The following CTNND2 variants were observed in gnomAD, a reference collection of about 807,000 sequenced individuals.
CTNND2 encodes catenin delta-2.
In CTNND2, 22 loss-of-function variants were observed where a neutral mutation model predicts 144.4. The observed-to-expected ratio is 0.15, with a 90% CI of 0.11 to 0.22. The LOEUF (loss-of-function observed/expected upper bound fraction) is 0.22. Among genes scored for constraint, CTNND2 ranks in the 10% least tolerant of loss-of-function variants. The probability of loss-of-function intolerance (pLI) is 1.00; values close to 1 mark genes in which losing one functional copy is unlikely to be tolerated. For missense variants in CTNND2, 1,353 were observed against 1,618.8 expected (o/e 0.84, Z 2.82); for synonymous variants, 751 against 695.6 (o/e 1.08, Z -1.25).
chr5:11,156,411 C>G (rs1050198144), intron 12 of CTNND2, among the ~76,000 whole-genome samples: 1 of 152,102 alleles, frequency 6.6e-6, no homozygotes, highest in Non-Finnish European at 1.5e-5. Flanking sequence ...TCAATAATGA[C>G]CAGATGAATT....
At chr5:11,655,261 A>AT (rs201027253) in intron 2 of CTNND2, among the ~76,000 whole-genome samples, 1,626 of 146,840 alleles carry the variant, frequency 0.011, 12 homozygotes, top group East Asian at 0.05. Context: ...AGACTTAACT[A>AT]TTTTTTTTTT....
chr5:11,136,351 G>T (rs894643383), intron 12 of CTNND2, among the ~76,000 whole-genome samples: 2 of 151,960 alleles, frequency 1.3e-5, no homozygotes, highest in African/African-American at 4.8e-5. Context: ...GAATAAAATA[G>T]AAATAATAAG....
intron 2 of CTNND2, among the ~76,000 whole-genome samples, chr5:11,631,627 A>T (rs1336310750): frequency 6.6e-6 from 1 of 152,116 alleles, no homozygotes; most frequent in Non-Finnish European, 1.5e-5. Flanking sequence ...AAACCACCAG[A>T]GTTTCTCATC....
In CTNND2 at chr5:11,747,803, A is replaced by T. The variant is rs547260950; in HGVS notation, c.38-15531T>A. Among the ~76,000 whole-genome samples the T allele has an allele frequency of 5.9e-5, 9 of 152,284 alleles. No individual in the cohort carries two copies. The South Asian group carries it at 1.9e-3, about 32-fold the overall frequency. ...AACTTTGACTGTCACAATCTATTAA[A>T]CAGAAAGTCCCCAAATGCCAGCCAC... On this transcript the variant is annotated intron_variant, in intron 1 of 21. Coordinates refer to ENST00000304623, the MANE Select transcript of CTNND2 (RefSeq NM_001332.4).
In CTNND2 at chr5:11,019,443, T is replaced by C. The variant is rs1403768715; in HGVS notation, c.3000-1385A>G. Among the ~76,000 whole-genome samples, 12 of 152,334 alleles carry C rather than the reference T, an allele frequency of 7.9e-5. No individual in the cohort carries two copies. In the East Asian group the frequency reaches 2.3e-3, roughly 29 times the overall value. On this transcript the variant is annotated intron_variant, in intron 17 of 21. Transcript: ENST00000304623. The stretch of plus-strand genomic sequence containing the variant: ...TTGAAATACAATTAGTGTGCAAAAA[T>C]GCTTCTGAGTAGAAACAAAAGTGTA...
chr5:11,388,533 T>C (rs1340201356), intron 6 of CTNND2, among the ~76,000 whole-genome samples: 1 of 152,256 alleles, frequency 6.6e-6, no homozygotes, highest in Non-Finnish European at 1.5e-5. Flanking sequence ...CCAGGGGTGC[T>C]ATACTCCATT....
chr5:11,428,676 G>T (rs1421162007), intron 3 of CTNND2, among the ~76,000 whole-genome samples: 1 of 152,040 alleles, frequency 6.6e-6, no homozygotes, highest in African/African-American at 2.4e-5. Context: ...TAAAGCGTAG[G>T]ATTTCCTCTT....
rs551043477 is a variant in CTNND2 at position 11,284,277 on chromosome 5, TA to T, written c.1629-47455del. 1.2e-3 allele frequency among the ~76,000 whole-genome samples: 187 copies of T among 152,306 alleles called. 1 individual carries two copies. The highest frequency in any genetic ancestry group is 4.3e-3 in the African/African-American group (179 of 41,560). On this transcript the variant is annotated intron_variant, in intron 9 of 21. Coordinates refer to ENST00000304623, the MANE Select transcript of CTNND2 (RefSeq NM_001332.4). ...GGCCTATCTCATTATTTTTTTATTT[TA>T]TTTTTTTAAGTTCCAGGGTACAGAT...
intron 3 of CTNND2, among the ~76,000 whole-genome samples, chr5:11,490,663 TA>T (rs1769301992): frequency 6.6e-6 from 1 of 152,218 alleles, no homozygotes; most frequent in South Asian, 2.1e-4. Flanking sequence ...CACTATGTTT[TA>T]ATTTTGGTTT....
At chr5:11,263,302 TATTTA>T (rs754282855) in intron 9 of CTNND2, among the ~76,000 whole-genome samples, 4 of 152,234 alleles carry the variant, frequency 2.6e-5, no homozygotes, top group African/African-American at 4.8e-5. Context: ...TGCATCTCAG[TATTTA>T]ATTTAAGTGT....
At chr5:11,580,800 T>A (rs1000829227) in intron 2 of CTNND2, among the ~76,000 whole-genome samples, 32 of 152,296 alleles carry the variant, frequency 2.1e-4, no homozygotes, top group African/African-American at 7.7e-4. Flanking sequence ...GGCTTCTAAT[T>A]TACCAAAGCG....
chr5:10,990,733 G>A (rs61751689), intron 19 of CTNND2, among the ~76,000 whole-genome samples: 17,720 of 152,218 alleles, frequency 0.12, 1,127 homozygotes, highest in Non-Finnish European at 0.14. Context: ...TCAGGATTAA[G>A]TTCTGGGAAA....
chr5:11,651,659 G>A lies in CTNND2; in HGVS notation c.174+80477C>T, dbSNP rs531483088. Among the ~76,000 whole-genome samples the A allele has an allele frequency of 3.3e-5, 5 of 152,348 alleles. No individual in the cohort carries two copies. The South Asian group carries it at 1.0e-3, about 32-fold the overall frequency. On this transcript the variant is annotated intron_variant, in intron 2 of 21. Transcript: ENST00000304623. Reference sequence around the variant, plus strand: ...GGGGTGGAGATGCCCAAGGCATTAGGAGCCCAGCCCTTGTATCACCATGGC... The same window carrying A: ...GGGGTGGAGATGCCCAAGGCATTAGAAGCCCAGCCCTTGTATCACCATGGC...
chr5:11,891,886 C>A (rs925535181), intron 1 of CTNND2, among the ~76,000 whole-genome samples: 1 of 152,174 alleles, frequency 6.6e-6, no homozygotes, highest in African/African-American at 2.4e-5. Context: ...TCTGAGATGA[C>A]AGGGAATATA....
chr5:11,847,131 TATATATATATA>T (rs1794777838), intron 1 of CTNND2, among the ~76,000 whole-genome samples: 4 of 9,106 alleles, frequency 4.4e-4, no homozygotes, highest in Admixed American at 1.7e-3. Context: ...AAAGATTTTA[TATATATATATA>T]TATATATATA....
rs987470789 is a variant in CTNND2, at chr5:11,397,069, C to T, written c.574G>A (p.Gly192Ser). 2 of 1,613,814 alleles carry T rather than the reference C, an allele frequency of 1.2e-6. No homozygotes were observed. Among genetic ancestry groups the T allele is most frequent in the African/African-American group, 2.7e-5 (2 of 74,904 alleles). Residue 192 changes from glycine (G) to serine (S), a missense_variant, in exon 6 of 22, where the codon GGC (glycine) becomes AGC (serine). Coordinates refer to ENST00000304623, the MANE Select transcript of CTNND2 (RefSeq NM_001332.4). Reference protein sequence around the residue: ...ETTPSQLPARGTQARATGQSF... With the variant: ...ETTPSQLPARSTQARATGQSF... The stretch of plus-strand genomic sequence containing the variant: ...TGGCCCGTAGCTCGGGCTTGTGTGC[C>T]TCGGGCCGGGAGCTGTGAAGGGGTG...
chr5:11,828,361 C>G (rs1793710182), intron 1 of CTNND2, among the ~76,000 whole-genome samples: 1 of 152,080 alleles, frequency 6.6e-6, no homozygotes, highest in Non-Finnish European at 1.5e-5. Context: ...GAAACCCCAT[C>G]TCTACTAAAA....
At chr5:11,454,679 C>G (rs1227078619) in intron 3 of CTNND2, among the ~76,000 whole-genome samples, 1 of 151,604 alleles carries the variant, frequency 6.6e-6, no homozygotes, top group Non-Finnish European at 1.5e-5. Context: ...TCACTGCAAT[C>G]TCCACCTCCT....
chr5:11,771,048 T>C (rs1235570119), intron 1 of CTNND2, among the ~76,000 whole-genome samples: 1 of 152,138 alleles, frequency 6.6e-6, no homozygotes, highest in Non-Finnish European at 1.5e-5. Flanking sequence ...GAATCAAATA[T>C]TCCTAGTAAC....
Sources: gnomAD v4.1 joint callset for allele counts (sites outside exome capture counted in the v4.1 genomes callset) on GRCh38, gnomAD v4.1.1 for gene constraint, MANE v1.5 for transcripts, NCBI Gene and HGNC (gene_info 2026-07-23, HGNC 2026-07-21) for gene names.